RBFOX1: variants seen among roughly 807,000 people sequenced by gnomAD.
The protein encoded by RBFOX1 is RNA binding protein fox-1 homolog 1.
A neutral mutation model predicts 57.7 loss-of-function variants in RBFOX1; 8 were observed. That is an observed-to-expected ratio of 0.14 (90% CI 0.08 to 0.25). The LOEUF (loss-of-function observed/expected upper bound fraction) is 0.25. Ranked by LOEUF, RBFOX1 falls within the 10% of genes least tolerant of loss-of-function variation. The pLI is 1.00. For missense variants in RBFOX1, 611 were observed against 548.5 expected, an observed-to-expected ratio of 1.11 and a Z score of -1.14; for synonymous variants, 326 against 222.4, an observed-to-expected ratio of 1.47 and a Z score of -4.15.
In RBFOX1 at chr16:6,176,313, A is replaced by ATTTTT. The variant is rs34667158; in HGVS notation, c.-126-140661_-126-140657dup. The stretch of plus-strand genomic sequence containing the variant: ...GGTGCCCACCGCCATGCCTGACCAA[A>ATTTTT]TTTTTTTTTTTTTTTTTTTTTTTTT... On this transcript the variant is annotated intron_variant, in intron 1 of 15. Transcript: ENST00000550418. 6.3e-4 allele frequency among the ~76,000 whole-genome samples: 60 copies of ATTTTT among 95,232 alleles called. 2 individuals carry two copies. The highest frequency in any genetic ancestry group is 2.5e-3 in the African/African-American group (54 of 21,634). The allele number at this position is 95,232 out of a possible 152,430, so 62.5% of individuals were successfully genotyped here. A position where few individuals can be genotyped will look rare whatever the true frequency, so the allele number is the denominator to read the frequency against.
intron 3 of RBFOX1, among the ~76,000 whole-genome samples, chr16:5,771,578 T>C (rs1438667303): frequency 6.6e-6 from 1 of 152,090 alleles, no homozygotes; most frequent in Non-Finnish European, 1.5e-5. Context: ...CTGGCTAATT[T>C]TTGTATTTTT....
chr16:6,023,152 C>T (rs1327874844), intron 1 of RBFOX1, among the ~76,000 whole-genome samples: 1 of 152,022 alleles, frequency 6.6e-6, no homozygotes, highest in African/African-American at 2.4e-5. Context: ...TTTTACATCA[C>T]CCTGAAGCTA....
At chr16:6,036,747 C>G (rs189022584) in intron 1 of RBFOX1, among the ~76,000 whole-genome samples, 1 of 152,202 alleles carries the variant, frequency 6.6e-6, no homozygotes, top group Admixed American at 6.5e-5. Flanking sequence ...ATGGGAGGCA[C>G]CAGTGAACTT....
Position 5,406,909 on chromosome 16 carries a change from T to C in RBFOX1, c.220-60307T>C, listed in dbSNP as rs576007. 5.1e-3 allele frequency among the ~76,000 whole-genome samples: 782 copies of C among 152,186 alleles called. 12 individuals carry two copies. Among genetic ancestry groups the C allele is most frequent in the African/African-American group, 0.018 (759 of 41,496 alleles). ...TACCTGGTGACAGCAGTGTGTGTGA[T>C]GTGGGATTCATCTTGGAGGGAAGTC... On this transcript the variant is annotated intron_variant, in intron 1 of 2. Coordinates refer to the RBFOX1 transcript ENST00000585867.
chr16:6,965,736 A>G (rs1367200119), intron 3 of RBFOX1, among the ~76,000 whole-genome samples: 3 of 152,218 alleles, frequency 2.0e-5, no homozygotes, highest in Admixed American at 6.5e-5. Flanking sequence ...TGGGAATGAT[A>G]ATAATCATGT....
At chr16:7,375,981 C>T (rs779221349) in intron 4 of RBFOX1, among the ~76,000 whole-genome samples, 2 of 152,176 alleles carry the variant, frequency 1.3e-5, no homozygotes, top group African/African-American at 2.4e-5. Context: ...TAGGCCAAAC[C>T]CCTATCCCAC....
At chr16:7,108,594 G>A (rs2064045543) in intron 4 of RBFOX1, among the ~76,000 whole-genome samples, 1 of 152,096 alleles carries the variant, frequency 6.6e-6, no homozygotes, top group African/African-American at 2.4e-5. Flanking sequence ...GGTTCAGTGG[G>A]ATTTGTTAGA....
chr16:7,156,722 C>A (rs558900492), intron 4 of RBFOX1, among the ~76,000 whole-genome samples: 1 of 151,992 alleles, frequency 6.6e-6, no homozygotes, highest in African/African-American at 2.4e-5. Context: ...TAATGGATTC[C>A]TTATTGATGC....
At chr16:7,187,262 C>G (rs571355362) in intron 4 of RBFOX1, among the ~76,000 whole-genome samples, 32 of 152,056 alleles carry the variant, frequency 2.1e-4, no homozygotes, top group African/African-American at 7.7e-4. Flanking sequence ...AGTAGCATAA[C>G]ACAGGATATA....
At chr16:5,496,438 C>G (rs138299419) in intron 2 of RBFOX1, among the ~76,000 whole-genome samples, 7 of 152,172 alleles carry the variant, frequency 4.6e-5, no homozygotes, top group African/African-American at 1.7e-4. Flanking sequence ...AGCTTCATCT[C>G]GAATGTGTCC....
intron 5 of RBFOX1, among the ~76,000 whole-genome samples, chr16:7,530,910 G>C (rs940559810): frequency 6.6e-6 from 1 of 152,102 alleles, no homozygotes; most frequent in African/African-American, 2.4e-5. Context: ...CAGAAAATAA[G>C]CCTTCACCCT....
At chr16:5,381,197 A>G (rs949836584) in intron 1 of RBFOX1, among the ~76,000 whole-genome samples, 1 of 152,232 alleles carries the variant, frequency 6.6e-6, no homozygotes, top group African/African-American at 2.4e-5. Flanking sequence ...CTTTATCTGT[A>G]TAGAGAGAGA....
intron 2 of RBFOX1, among the ~76,000 whole-genome samples, chr16:6,522,865 A>G (rs1363252685): frequency 6.6e-6 from 1 of 151,902 alleles, no homozygotes; most frequent in Non-Finnish European, 1.5e-5. Context: ...TTCTCTCTCT[A>G]GCCACACTCT....
chr16:6,823,364 C>A (rs578234388), intron 3 of RBFOX1, among the ~76,000 whole-genome samples: 30 of 151,920 alleles, frequency 2.0e-4, no homozygotes, highest in African/African-American at 7.2e-4. Context: ...TCAAGTGATT[C>A]TCCTGCCTCA....
At chr16:7,170,731 A>G (rs996568678) in intron 4 of RBFOX1, among the ~76,000 whole-genome samples, 8 of 152,138 alleles carry the variant, frequency 5.3e-5, no homozygotes, top group African/African-American at 9.7e-5. Flanking sequence ...TGAAGTTTCC[A>G]TACACCTTGG....
chr16:6,630,276 A>G (rs78050538), intron 2 of RBFOX1, among the ~76,000 whole-genome samples: 1 of 152,258 alleles, frequency 6.6e-6, no homozygotes, highest in East Asian at 1.9e-4. Context: ...TCTTCTGCCC[A>G]CACCCAAGGA....
At chr16:6,938,185 C>T (rs964152092) in intron 3 of RBFOX1, among the ~76,000 whole-genome samples, 2 of 152,114 alleles carry the variant, frequency 1.3e-5, no homozygotes, top group African/African-American at 4.8e-5. Context: ...ATTTACTTTC[C>T]TAGTGTAGAA....
chr16:5,474,539 A>T (rs2069251666), intron 2 of RBFOX1, among the ~76,000 whole-genome samples: 1 of 152,056 alleles, frequency 6.6e-6, no homozygotes, highest in Admixed American at 6.6e-5. Flanking sequence ...CTGTAATCCC[A>T]GCTATTTGGG....
At chr16:6,266,778 G>T (rs1326453098) in intron 1 of RBFOX1, among the ~76,000 whole-genome samples, 2 of 151,864 alleles carry the variant, frequency 1.3e-5, no homozygotes, top group African/African-American at 4.8e-5. Flanking sequence ...AAGAACCTTA[G>T]AATGTTAGAA....
Sources: gnomAD v4.1 joint callset for allele counts (sites outside exome capture counted in the v4.1 genomes callset) on GRCh38, gnomAD v4.1.1 for gene constraint, MANE v1.5 for transcripts, NCBI Gene and HGNC (gene_info 2026-07-23, HGNC 2026-07-21) for gene names.